Variants in CYTIP observed in about 807,000 individuals in gnomAD.
The protein encoded by CYTIP is cytohesin-interacting protein.
A neutral mutation model predicts 43.8 loss-of-function variants in CYTIP; 26 were observed. The ratio of observed to expected loss-of-function variants is 0.59; its 90% CI spans 0.44 to 0.82. The LOEUF (loss-of-function observed/expected upper bound fraction) is 0.82, where lower values mean the gene tolerates loss of function less well. Ranked by LOEUF, CYTIP falls within the 40% of genes least tolerant of loss-of-function variation. CYTIP has a pLI of 0.00. For synonymous variants in CYTIP, 162 were observed against 162.9 expected, an observed-to-expected ratio of 0.99 and a Z score of 0.04; for missense variants, 426 against 443.1, an observed-to-expected ratio of 0.96 and a Z score of 0.35.
intron 6 of CYTIP, among the ~76,000 whole-genome samples, chr2:157,420,203 T>C (rs905033717): frequency 6.6e-6 from 1 of 152,092 alleles, no homozygotes; most frequent in African/African-American, 2.4e-5. Flanking sequence ...CTGGGTATGG[T>C]GGTGCACACC....
At chr2:157,434,849 T>TCTCACA (rs1256043480) in intron 1 of CYTIP, 102 bp from the exon 2 acceptor site, 86 of 48,722 alleles carry the variant, frequency 1.8e-3, no homozygotes, top group Middle Eastern at 0.012. Context: ...TCTCTCTCTC[T>TCTCACA]CACACACACA....
intron 1 of CYTIP, among the ~76,000 whole-genome samples, chr2:157,442,869 C>T (rs1486541720): frequency 6.6e-6 from 1 of 152,070 alleles, no homozygotes; most frequent in African/African-American, 2.4e-5. Context: ...GACTTAAGCG[C>T]AAAAATTCTT....
chr2:157,430,984 A>G lies in CYTIP; in HGVS notation c.280-22T>C, dbSNP rs547246440. On this transcript the variant is annotated intron_variant, in intron 3 of 7. Transcript: ENST00000264192. ...AAGACTGTAAAAATTAAGATGATAT[A>G]TAGTTACTATTTAACAACCTCAACA... is the stretch of plus-strand genomic sequence containing the variant. The G allele has an allele frequency of 3.2e-6, 5 of 1,571,180 alleles. No homozygotes were observed. In the East Asian group the frequency reaches 6.7e-5, roughly 21 times the overall value.
chr2:157,434,861 A>T (rs1324405242), intron 1 of CYTIP, 114 bp from the exon 2 acceptor site: 28 of 358,218 alleles, frequency 7.8e-5, no homozygotes, highest in African/African-American at 5.8e-4. Flanking sequence ...ACACACACAC[A>T]CACACACACA....
rs1558939726 is a variant in CYTIP at position 157,430,558 on chromosome 2, C to T, written c.476+1G>A. 3.1e-6 allele frequency: 5 copies of T among 1,613,336 alleles called. No homozygotes were observed. The highest frequency in any genetic ancestry group is 3.4e-6 in the Non-Finnish European group (4 of 1,179,294). Reference sequence around the variant, plus strand: ...CCCACGGGAACTAGACAGATAGTTACGTTAGCAGGTTTCCGGACGATCTGA... The same window carrying T: ...CCCACGGGAACTAGACAGATAGTTATGTTAGCAGGTTTCCGGACGATCTGA... On this transcript the variant is annotated splice_donor_variant, in intron 5 of 7. Coordinates refer to ENST00000264192, the MANE Select transcript of CYTIP (RefSeq NM_004288.5). LOFTEE classifies it high-confidence loss of function.
Position 157,434,684 on chromosome 2 carries a change from T to C in CYTIP, c.224+14A>G. ...ATATTTTGGGAGAGACAAAAAATAA[T>C]TCAATCTCTTTACCTTTGAGACCAG... On this transcript the variant is annotated intron_variant, in intron 2 of 7. Coordinates refer to ENST00000264192, the MANE Select transcript of CYTIP (RefSeq NM_004288.5). 7.5e-6 allele frequency: 12 copies of C among 1,599,858 alleles called. No homozygotes were observed. Among genetic ancestry groups the C allele is most frequent in the Non-Finnish European group, 9.4e-6 (11 of 1,169,236 alleles).
At chr2:157,436,069 C>A (rs1685803961) in intron 1 of CYTIP, among the ~76,000 whole-genome samples, 1 of 152,166 alleles carries the variant, frequency 6.6e-6, no homozygotes, top group South Asian at 2.1e-4. Flanking sequence ...TACCAATTTG[C>A]TGTAAATTAA....
At chr2:157,440,641 C>T (rs1384129598) in intron 1 of CYTIP, among the ~76,000 whole-genome samples, 2 of 152,094 alleles carry the variant, frequency 1.3e-5, no homozygotes, top group Non-Finnish European at 2.9e-5. Flanking sequence ...AGCACACATT[C>T]CCTATCTGAA....
intron 6 of CYTIP, among the ~76,000 whole-genome samples, chr2:157,419,789 G>A (rs1685492133): frequency 6.6e-6 from 1 of 152,210 alleles, no homozygotes; most frequent in Admixed American, 6.5e-5. Context: ...TGTATATTTG[G>A]AGAAGGATTA....
chr2:157,442,175 G>T (rs1685929596), intron 1 of CYTIP, among the ~76,000 whole-genome samples: 1 of 151,990 alleles, frequency 6.6e-6, no homozygotes, highest in South Asian at 2.1e-4. Flanking sequence ...TATTTCCAAG[G>T]CTATATTTAC....
chr2:157,444,067 AG>A lies in CYTIP; in HGVS notation c.-48del. 1 of 1,580,402 alleles carries A rather than the reference AG, an allele frequency of 6.3e-7. No homozygotes were observed. Among genetic ancestry groups the A allele is most frequent in the Non-Finnish European group, 8.6e-7 (1 of 1,156,186 alleles). ...CTAGCACATGGTTGAGTGGCCTTGC[AG>A]GATGGGGGAAGCTAAAAGTACAACT... is the stretch of plus-strand genomic sequence containing the variant. On this transcript the variant is annotated 5_prime_UTR_variant, in exon 1 of 8. Transcript: ENST00000264192.
rs202198683 is a variant in CYTIP, at chr2:157,415,768, C to A, written c.989G>T (p.Arg330Leu). Residue 330 changes from arginine to leucine, a missense_variant, in exon 8 of 8, where the codon CGG becomes CTG. By Grantham distance (102) the Arg-to-Leu change is moderately radical. Coordinates refer to ENST00000264192, the MANE Select transcript of CYTIP (RefSeq NM_004288.5). ...NLSSMFGTLP[R>L]KSRKGSVRKQ... ...TCGGACACTTCCCTTTCTGCTCTTC[C>A]GGGGCAGGGTCCCAAACATGCTTGA... 1 of 1,614,052 alleles carries A rather than the reference C, an allele frequency of 6.2e-7. No homozygotes were observed. The highest frequency in any genetic ancestry group is 8.5e-7 in the Non-Finnish European group (1 of 1,180,010).
At chr2:157,430,019 T>C (rs1685684293) in intron 5 of CYTIP, among the ~76,000 whole-genome samples, 1 of 133,796 alleles carries the variant, frequency 7.5e-6, no homozygotes, top group African/African-American at 2.9e-5. Flanking sequence ...CGAGACTCCG[T>C]CTCAAAAAAA....
At chr2:157,434,660 T>C in intron 2 of CYTIP, 38 bp downstream of exon 2, 3 of 1,505,718 alleles carry the variant, frequency 2.0e-6, no homozygotes, top group Non-Finnish European at 2.8e-6. Context: ...TGTTCCTAAA[T>C]ATTTTGGGAG....
chr2:157,443,744 C>T, intron 1 of CYTIP, 103 bp downstream of exon 1: 1 of 1,263,240 alleles, frequency 7.9e-7, no homozygotes, highest in South Asian at 1.7e-5. Context: ...CCAGTAATTC[C>T]AAAGCCTCTA....
chr2:157,438,256 A>T (rs748996273), intron 1 of CYTIP, among the ~76,000 whole-genome samples: 25 of 152,254 alleles, frequency 1.6e-4, no homozygotes, highest in Non-Finnish European at 3.4e-4. Context: ...CATTATGTTA[A>T]GTGAGATAAG....
intron 6 of CYTIP, among the ~76,000 whole-genome samples, chr2:157,422,397 G>T (rs1685534984): frequency 6.6e-6 from 1 of 152,160 alleles, no homozygotes; most frequent in Non-Finnish European, 1.5e-5. Context: ...GCCAGGTGCG[G>T]TGACTCACAC....
At chr2:157,443,771 A>G (rs894361882) in intron 1 of CYTIP, 76 bp downstream of exon 1, 2 of 1,456,274 alleles carry the variant, frequency 1.4e-6, no homozygotes, top group Non-Finnish European at 1.9e-6. Context: ...CACCATTAGT[A>G]TGAAGTCAGA....
At chr2:157,437,395 C>T (rs1347836646) in intron 1 of CYTIP, among the ~76,000 whole-genome samples, 2 of 151,730 alleles carry the variant, frequency 1.3e-5, no homozygotes, top group Admixed American at 6.6e-5. Flanking sequence ...TCTGAACAGA[C>T]GTTCCTCAAA....
Sources: allele counts gnomAD v4.1 joint callset (sites outside exome capture counted in the v4.1 genomes callset), GRCh38; gene constraint gnomAD v4.1.1; transcripts MANE v1.5; gene names NCBI Gene and HGNC (gene_info 2026-07-23, HGNC 2026-07-21).